Variants in C2orf49 observed in about 807,000 individuals in gnomAD.
C2orf49 encodes the protein tRNA-splicing ligase complex subunit ASW.
In C2orf49, 11 loss-of-function variants were observed where a neutral mutation model predicts 20.6. That is an observed-to-expected ratio of 0.53 (90% CI 0.34 to 0.88). The LOEUF is 0.88. Among genes scored for constraint, C2orf49 ranks in the 40% least tolerant of loss-of-function variants. C2orf49 has a pLI of 0.02. For missense variants in C2orf49, 289 were observed against 274.2 expected (o/e 1.05, Z -0.38); for synonymous variants, 134 against 108.5 (o/e 1.24, Z -1.46).
In C2orf49 at chr2:105,345,336, G is replaced by A. The variant is rs774593808; in HGVS notation, c.664G>A (p.Ala222Thr). ...EAMNNLKPPQ[A>T]KRKIQHVTWP is the part of the protein sequence containing the mutation. ...TCAGAATAACCTGAAGCCCCCACAA[G>A]CAAAAAGGAAGATACAACATGTTAC... The change falls in exon 4 of 4, where the codon GCA becomes ACA. Residue 222 changes from alanine (A) to threonine (T), a missense_variant. Coordinates refer to ENST00000258457, the MANE Select transcript of C2orf49 (RefSeq NM_024093.3). 2 of 1,612,374 alleles carry A rather than the reference G, an allele frequency of 1.2e-6. No homozygotes were observed. The highest frequency in any genetic ancestry group is 1.7e-5 in the Admixed American group (1 of 59,730).
chr2:105,371,660 G>T, the C2orf49 span, among the ~76,000 whole-genome samples: 1 of 151,990 alleles, frequency 6.6e-6, no homozygotes, highest in African/African-American at 2.4e-5. Context: ...AGTCAAGACA[G>T]GTGAAAAATT....
downstream of C2orf49, among the ~76,000 whole-genome samples, chr2:105,350,334 A>G (rs770416804): frequency 1.3e-5 from 2 of 152,220 alleles, no homozygotes; most frequent in Non-Finnish European, 2.9e-5. Context: ...CAGTGAATGA[A>G]AACGGGCAGT....
At position 105,348,784 on chromosome 2, in the gene C2orf49, C is replaced by T. The variant is rs1427192275; in HGVS notation, c.*3413C>T. On this transcript the variant is annotated 3_prime_UTR_variant, in exon 4 of 4. Transcript: ENST00000258457. ...AATTACCTTGAGTAGGTCTGTTATT[C>T]TTATTAAAATGGAAAAATGCTCTGT... 1.3e-5 allele frequency: 2 copies of T among 152,012 alleles called. No individual in the cohort carries two copies. Among genetic ancestry groups the T allele is most frequent in the Non-Finnish European group, 2.9e-5 (2 of 67,982 alleles). 9.4% of individuals were successfully genotyped at this position (152,012 alleles called of 1,614,324 possible).
At chr2:105,342,635 T>C (rs191436861) in intron 2 of C2orf49, among the ~76,000 whole-genome samples, 7 of 152,362 alleles carry the variant, frequency 4.6e-5, no homozygotes, top group Admixed American at 4.6e-4. Context: ...AAAGCTAACT[T>C]TGAATTTCTT....
Position 105,339,636 on chromosome 2 carries a change from C to T in C2orf49, c.153C>T (p.Asp51=), listed in dbSNP as rs183157251. The T allele has an allele frequency of 1.5e-4, 235 of 1,607,276 alleles. 1 individual carries two copies. The Middle Eastern group carries it at 1.7e-3, about 11-fold the overall frequency. The change falls in exon 2 of 4, where the codon GAC becomes GAT. Residue 51 remains aspartate (D), a synonymous_variant. Coordinates refer to ENST00000258457, the MANE Select transcript of C2orf49 (RefSeq NM_024093.3). Reference sequence around the variant, plus strand: ...GAGTAAACAAAGACAGTCTTACTGACCTTTATGTCCAACATGCAATACCAT... The same window carrying T: ...GAGTAAACAAAGACAGTCTTACTGATCTTTATGTCCAACATGCAATACCAT... ...DVRVNKDSLT[D]LYVQHAIPLP... is the part of the protein sequence containing the mutation.
chr2:105,384,016 C>T, the C2orf49 span, among the ~76,000 whole-genome samples: 19,211 of 152,212 alleles, frequency 0.13, 1,353 homozygotes, highest in Middle Eastern at 0.18. Context: ...TTTATTTGCT[C>T]ATAAAACATG....
At chr2:105,359,013 G>A in the C2orf49 span, 1 of 152,156 alleles carries the variant, frequency 6.6e-6, no homozygotes, top group African/African-American at 2.4e-5. Context: ...TTGGATAAAA[G>A]GCCGAAACAG....
the C2orf49 span, chr2:105,375,285 G>A: frequency 7.2e-5 from 11 of 152,192 alleles, no homozygotes; most frequent in South Asian, 6.2e-4. Context: ...AAATGTGAAC[G>A]CTGAGACACT....
At chr2:105,381,414 G>A in the C2orf49 span, among the ~76,000 whole-genome samples, 1 of 152,092 alleles carries the variant, frequency 6.6e-6, no homozygotes, top group African/African-American at 2.4e-5. Context: ...ACATGGAAAC[G>A]GAGGCTTATA....
In C2orf49 at chr2:105,339,671, G is replaced by C; in HGVS notation, c.188G>C (p.Arg63Thr). 1 of 1,608,850 alleles carries C rather than the reference G, an allele frequency of 6.2e-7. No individual in the cohort carries two copies. Among genetic ancestry groups the C allele is most frequent in the Non-Finnish European group, 8.5e-7 (1 of 1,178,986 alleles). The change falls in exon 2 of 4, where the codon AGG becomes ACG. Residue 63 changes from arginine (R) to threonine (T), a missense_variant. Arg to Thr is a moderately conservative substitution (Grantham distance 71). Transcript: ENST00000258457. ...YVQHAIPLPQ[R>T]DLPKNRWGKM... Reference sequence around the variant, plus strand: ...CAACATGCAATACCATTGCCTCAGAGGGATTTGCCGAAGAATAGATGGGGG... The same window carrying C: ...CAACATGCAATACCATTGCCTCAGACGGATTTGCCGAAGAATAGATGGGGG...
chr2:105,358,991 G>T, the C2orf49 span: 2 of 152,174 alleles, frequency 1.3e-5, no homozygotes, highest in Non-Finnish European at 2.9e-5. Context: ...GATCCCTGGC[G>T]GGGGCCTGCC....
the C2orf49 span, among the ~76,000 whole-genome samples, chr2:105,368,805 A>G: frequency 6.6e-6 from 1 of 152,362 alleles, no homozygotes; most frequent in South Asian, 2.1e-4. Flanking sequence ...GCAAAGGTAA[A>G]GAACAATCTG....
the C2orf49 span, among the ~76,000 whole-genome samples, chr2:105,374,955 G>A: frequency 2.6e-5 from 4 of 152,174 alleles, no homozygotes; most frequent in African/African-American, 7.2e-5. Flanking sequence ...GGCTGTTCAC[G>A]CGATGGCCCT....
chr2:105,351,310 C>T (rs1173031424), downstream of C2orf49, among the ~76,000 whole-genome samples: 1 of 112,422 alleles, frequency 8.9e-6, no homozygotes, highest in Non-Finnish European at 1.9e-5. Context: ...TTTTGCCCAC[C>T]GCGCCCCCCC....
the C2orf49 span, among the ~76,000 whole-genome samples, chr2:105,379,114 A>G: frequency 1.3e-5 from 2 of 152,200 alleles, no homozygotes; most frequent in African/African-American, 2.4e-5. Flanking sequence ...CAGATTGACT[A>G]AACTTAAATC....
At chr2:105,352,476 G>A (rs1331526822), downstream of C2orf49, among the ~76,000 whole-genome samples, 1 of 98,614 alleles carries the variant, frequency 1.0e-5, no homozygotes, top group African/African-American at 4.0e-5. Flanking sequence ...ATGGAGTCTT[G>A]CTCTGTTGCC....
At chr2:105,385,544 T>C in the C2orf49 span, among the ~76,000 whole-genome samples, 1 of 152,302 alleles carries the variant, frequency 6.6e-6, no homozygotes, top group East Asian at 1.9e-4. Flanking sequence ...CCTTTAGAGA[T>C]GCCAAAGGAA....
At chr2:105,337,780 G>C in intron 1 of C2orf49, 94 bp downstream of exon 1, 4 of 1,140,054 alleles carry the variant, frequency 3.5e-6, no homozygotes, top group Non-Finnish European at 5.0e-6. Context: ...GGCAACCACG[G>C]ACACTCCCGC....
At chr2:105,384,501 C>T in the C2orf49 span, among the ~76,000 whole-genome samples, 1 of 152,056 alleles carries the variant, frequency 6.6e-6, no homozygotes, top group African/African-American at 2.4e-5. Context: ...CCCTGGTTCT[C>T]CCCAGTTTTT....
Sources: gnomAD v4.1 joint callset for allele counts (sites outside exome capture counted in the v4.1 genomes callset) on GRCh38, gnomAD v4.1.1 for gene constraint, MANE v1.5 for transcripts, NCBI Gene and HGNC (gene_info 2026-07-23, HGNC 2026-07-21) for gene names.